Variants in NOX4 observed in about 807,000 individuals in gnomAD.
NOX4 encodes NADPH oxidase 4.
Under a neutral mutation model 87.6 loss-of-function variants are expected in NOX4, and 69 were observed. The ratio of observed to expected loss-of-function variants is 0.79; its 90% confidence interval spans 0.65 to 0.96. The LOEUF is 0.96. NOX4 is among the 40% of genes least tolerant of loss of function. The pLI is 0.00. For synonymous variants in NOX4, 275 were observed against 238.2 expected, an observed-to-expected ratio of 1.15 and a Z score of -1.42; for missense variants, 680 against 681.5, an observed-to-expected ratio of 1.00 and a Z score of 0.02.
the NOX4 span, among the ~76,000 whole-genome samples, chr11:89,559,986 C>T: frequency 3.0e-4 from 46 of 152,114 alleles, no homozygotes; most frequent in Non-Finnish European, 5.7e-4. Context: ...GTCCTATACC[C>T]TGGCATCTAT....
intron 13 of NOX4, among the ~76,000 whole-genome samples, chr11:89,343,705 G>A (rs1414246572): frequency 1.3e-5 from 2 of 152,054 alleles, no homozygotes; most frequent in African/African-American, 4.8e-5. Context: ...AGAATGTTAT[G>A]TTGCTATTAT....
chr11:89,473,817 T>C lies in NOX4; in HGVS notation c.153+16641A>G, dbSNP rs373428311. Among the ~76,000 whole-genome samples, 9 of 152,160 alleles carry C rather than the reference T, an allele frequency of 5.9e-5. No individual in the cohort carries two copies. In the East Asian group the frequency reaches 1.7e-3, roughly 29 times the overall value. ...AGTCGACTCTCTTCCAGTCTTTCCT[T>C]GGGGAAAAAAAACAAAACACTGCCT... On this transcript the variant is annotated intron_variant, in intron 2 of 17. Transcript: ENST00000263317.
intron 11 of NOX4, among the ~76,000 whole-genome samples, chr11:89,398,817 A>G (rs745768033): frequency 6.6e-6 from 1 of 151,918 alleles, no homozygotes; most frequent in South Asian, 2.1e-4. Flanking sequence ...ATATTAAATA[A>G]ATTACAGTAC....
intron 8 of NOX4, among the ~76,000 whole-genome samples, chr11:89,416,456 T>C (rs553274272): frequency 2.6e-5 from 4 of 152,188 alleles, no homozygotes; most frequent in Non-Finnish European, 4.4e-5. Flanking sequence ...GATACTTGGG[T>C]ATCAGCAGTC....
At chr11:89,431,242 C>G (rs1404192064) in intron 7 of NOX4, among the ~76,000 whole-genome samples, 1 of 152,034 alleles carries the variant, frequency 6.6e-6, no homozygotes, top group African/African-American at 2.4e-5. Context: ...GACCTAAAAC[C>G]ATCAAAACCC....
upstream of NOX4, chr11:89,491,648 C>G (rs1946861080): frequency 8.6e-6 from 2 of 232,162 alleles, no homozygotes; most frequent in Non-Finnish European, 1.7e-5. Flanking sequence ...TCTACCCAGG[C>G]CTGCCAGGCT....
chr11:89,341,366 AC>A (rs1212708688), intron 14 of NOX4, among the ~76,000 whole-genome samples: 6 of 151,844 alleles, frequency 4.0e-5, no homozygotes, highest in African/African-American at 1.2e-4. Flanking sequence ...CAAGCGATCC[AC>A]CCACCTCGGC....
At chr11:89,572,730 C>A in the NOX4 span, among the ~76,000 whole-genome samples, 1 of 152,024 alleles carries the variant, frequency 6.6e-6, no homozygotes, top group African/African-American at 2.4e-5. Flanking sequence ...CATCTTCTTT[C>A]TTATCTTTTT....
intron 2 of NOX4, among the ~76,000 whole-genome samples, chr11:89,454,567 A>G (rs1259111890): frequency 2.0e-5 from 3 of 152,284 alleles, no homozygotes; most frequent in African/African-American, 7.2e-5. Flanking sequence ...AATGACAACC[A>G]TTAAATTATA....
At position 89,326,412 on chromosome 11, in the gene NOX4, G is replaced by A. The variant is rs1028998038; in HGVS notation, c.*344C>T. 2 of 159,064 alleles carry A rather than the reference G, an allele frequency of 1.3e-5. No homozygotes were observed. Among genetic ancestry groups the A allele is most frequent in the Admixed American group, 1.3e-4 (2 of 15,650 alleles). 9.9% of individuals were successfully genotyped at this position (159,064 alleles called of 1,614,324 possible). On this transcript the variant is annotated 3_prime_UTR_variant, in exon 18 of 18. Coordinates refer to ENST00000263317, the MANE Select transcript of NOX4 (RefSeq NM_016931.5). ...GTTCAACCAAAAACAATTTAAAGAG[G>A]AACACGACAATCAGCCTTAGATTGA...
chr11:89,489,335 G>GT (rs1946754464), intron 2 of NOX4, among the ~76,000 whole-genome samples: 3 of 151,984 alleles, frequency 2.0e-5, no homozygotes, highest in Admixed American at 6.6e-5. Flanking sequence ...AGCAAAATGT[G>GT]TTTTTTTCTG....
At chr11:89,575,081 G>T in the NOX4 span, among the ~76,000 whole-genome samples, 39 of 152,216 alleles carry the variant, frequency 2.6e-4, no homozygotes, top group African/African-American at 9.4e-4. Flanking sequence ...TACTCTGGAG[G>T]CTGAGGCAGG....
the NOX4 span, among the ~76,000 whole-genome samples, chr11:89,531,776 A>G: frequency 3.9e-5 from 6 of 152,226 alleles, no homozygotes; most frequent in Non-Finnish European, 8.8e-5. Context: ...AGCCCCTCCC[A>G]TCACAGGCCC....
At chr11:89,528,607 T>C in the NOX4 span, among the ~76,000 whole-genome samples, 29,305 of 152,196 alleles carry the variant, frequency 0.19, 3,639 homozygotes, top group Non-Finnish European at 0.29. Context: ...TAAGGGACAC[T>C]TCCCCTCTTT....
chr11:89,579,059 C>A, the NOX4 span, among the ~76,000 whole-genome samples: 2 of 152,130 alleles, frequency 1.3e-5, no homozygotes, highest in Non-Finnish European at 2.9e-5. Context: ...TCTGAAAAAG[C>A]TGCATACCAT....
intron 2 of NOX4, among the ~76,000 whole-genome samples, chr11:89,474,917 A>T (rs1946100047): frequency 6.6e-6 from 1 of 151,998 alleles, no homozygotes. Flanking sequence ...TGTCCAAAGG[A>T]CATATGAAAA....
At chr11:89,528,324 G>C in the NOX4 span, among the ~76,000 whole-genome samples, 1 of 152,090 alleles carries the variant, frequency 6.6e-6, no homozygotes, top group Non-Finnish European at 1.5e-5. Flanking sequence ...GGACTTTTAG[G>C]TTACTTCTGG....
upstream of NOX4, among the ~76,000 whole-genome samples, chr11:89,493,953 C>G (rs969813197): frequency 6.6e-6 from 1 of 151,988 alleles, no homozygotes; most frequent in East Asian, 1.9e-4. Context: ...CGGGGTTTCA[C>G]CACATTGGCC....
At chr11:89,577,943 TA>T in the NOX4 span, among the ~76,000 whole-genome samples, 4 of 152,152 alleles carry the variant, frequency 2.6e-5, no homozygotes, top group East Asian at 5.8e-4. Context: ...AGGCAAAGTT[TA>T]AAATTATATA....
Sources: allele counts gnomAD v4.1 joint callset (sites outside exome capture counted in the v4.1 genomes callset), GRCh38; gene constraint gnomAD v4.1.1; transcripts MANE v1.5; gene names NCBI Gene and HGNC (gene_info 2026-07-23, HGNC 2026-07-21).